Variants in SNTG1 observed in about 807,000 individuals in gnomAD.
SNTG1 encodes the protein syntrophin gamma 1.
A neutral mutation model predicts 74.7 loss-of-function variants in SNTG1; 39 were observed. That is an observed-to-expected ratio of 0.52 (90% CI 0.40 to 0.68). SNTG1 has a LOEUF of 0.68. SNTG1 is among the 30% of genes least tolerant of loss of function. The probability of loss-of-function intolerance (pLI) is 0.00; values close to 1 mark genes in which losing one functional copy is unlikely to be tolerated. For missense variants in SNTG1, 685 were observed against 609.5 expected (o/e 1.12, Z -1.30); for synonymous variants, 254 against 217.1 (o/e 1.17, Z -1.49).
intron 1 of SNTG1, among the ~76,000 whole-genome samples, chr8:49,917,236 G>T (rs2450287): frequency 0.83 from 125,498 of 152,042 alleles, 53,989 homozygotes; most frequent in Non-Finnish European, 0.94. Context: ...TAACTGCTCA[G>T]CTATATCCTT....
At chr8:50,360,150 C>A (rs1264032051) in intron 2 of SNTG1, among the ~76,000 whole-genome samples, 3 of 151,962 alleles carry the variant, frequency 2.0e-5, no homozygotes, top group Non-Finnish European at 4.4e-5. Context: ...ATCATCACTA[C>A]AAATCATTGT....
At chr8:50,265,733 A>C (rs1317035366) in intron 2 of SNTG1, among the ~76,000 whole-genome samples, 1 of 152,090 alleles carries the variant, frequency 6.6e-6, no homozygotes, top group African/African-American at 2.4e-5. Context: ...AGGATCTACA[A>C]AAATTTAGAG....
At chr8:50,596,793 CATA>C (rs766193159) in intron 13 of SNTG1, among the ~76,000 whole-genome samples, 5 of 152,084 alleles carry the variant, frequency 3.3e-5, no homozygotes, top group East Asian at 1.9e-4. Flanking sequence ...ATAATTGAAA[CATA>C]ATAATTGTAC....
At chr8:50,565,188 G>T (rs1286276650) in intron 12 of SNTG1, among the ~76,000 whole-genome samples, 1 of 151,762 alleles carries the variant, frequency 6.6e-6, no homozygotes, top group Non-Finnish European at 1.5e-5. Context: ...CAAAAATAAG[G>T]AAAAATTAAA....
intron 1 of SNTG1, among the ~76,000 whole-genome samples, chr8:49,985,885 C>T (rs1305574517): frequency 6.6e-6 from 1 of 151,970 alleles, no homozygotes; most frequent in Non-Finnish European, 1.5e-5. Context: ...TCTGATATGA[C>T]CTTTATATTT....
At chr8:50,456,463 G>C (rs1228283547) in intron 8 of SNTG1, among the ~76,000 whole-genome samples, 2 of 151,968 alleles carry the variant, frequency 1.3e-5, no homozygotes, top group Admixed American at 6.6e-5. Context: ...GTGCACTGAG[G>C]GCTGCTCTCT....
chr8:50,090,504 A>G (rs1399295376), intron 1 of SNTG1, among the ~76,000 whole-genome samples: 1 of 152,170 alleles, frequency 6.6e-6, no homozygotes, highest in Non-Finnish European at 1.5e-5. Context: ...TCATCTGCAG[A>G]AGGTTCTCTA....
intron 2 of SNTG1, among the ~76,000 whole-genome samples, chr8:50,353,200 A>G (rs964350958): frequency 6.9e-6 from 1 of 145,792 alleles, no homozygotes; most frequent in African/African-American, 2.5e-5. Flanking sequence ...GTGGGAATTG[A>G]TCAATGAGAA....
At chr8:50,006,701 G>T (rs1815273811) in intron 1 of SNTG1, among the ~76,000 whole-genome samples, 1 of 152,110 alleles carries the variant, frequency 6.6e-6, no homozygotes, top group Non-Finnish European at 1.5e-5. Flanking sequence ...GGCTTCCTCT[G>T]GTCCCTACTG....
At chr8:50,105,663 T>A (rs1235972293) in intron 1 of SNTG1, among the ~76,000 whole-genome samples, 1 of 152,134 alleles carries the variant, frequency 6.6e-6, no homozygotes, top group African/African-American at 2.4e-5. Flanking sequence ...TTCCTATTCA[T>A]GAGCATGGGA....
At chr8:50,146,341 A>T (rs1308206736) in intron 1 of SNTG1, among the ~76,000 whole-genome samples, 1 of 152,052 alleles carries the variant, frequency 6.6e-6, no homozygotes, top group Non-Finnish European at 1.5e-5. Context: ...AACATGGTGA[A>T]ACCCCGTCTG....
chr8:50,393,653 A>G (rs1265706433), intron 2 of SNTG1, among the ~76,000 whole-genome samples: 1 of 152,182 alleles, frequency 6.6e-6, no homozygotes, highest in East Asian at 1.9e-4. Context: ...TATTTTAGAT[A>G]TTTTATACAT....
At chr8:50,764,502 C>G (rs1298586129) in intron 18 of SNTG1, among the ~76,000 whole-genome samples, 1 of 151,880 alleles carries the variant, frequency 6.6e-6, no homozygotes, top group Non-Finnish European at 1.5e-5. Context: ...TAATGGCCAA[C>G]ATTTATGTAC....
intron 1 of SNTG1, among the ~76,000 whole-genome samples, chr8:50,098,421 C>A (rs1179930438): frequency 6.6e-6 from 1 of 152,108 alleles, no homozygotes; most frequent in Non-Finnish European, 1.5e-5. Flanking sequence ...TGTCATTATT[C>A]CCTAAATAAT....
intron 2 of SNTG1, among the ~76,000 whole-genome samples, chr8:50,336,101 A>T (rs574567863): frequency 6.6e-6 from 1 of 152,164 alleles, no homozygotes; most frequent in Non-Finnish European, 1.5e-5. Context: ...TAGAATTGGG[A>T]ATATGAATTT....
intron 1 of SNTG1, among the ~76,000 whole-genome samples, chr8:49,956,990 G>C (rs1324738243): frequency 6.6e-6 from 1 of 152,196 alleles, no homozygotes; most frequent in African/African-American, 2.4e-5. Context: ...TGTTTTGCCA[G>C]GGGATAGGAG....
intron 1 of SNTG1, among the ~76,000 whole-genome samples, chr8:49,944,584 G>C (rs1249594001): frequency 5.1e-5 from 5 of 97,168 alleles, no homozygotes; most frequent in Admixed American, 1.3e-4. Context: ...GTTGTGGGGT[G>C]GGGGGAGGGG....
intron 8 of SNTG1, among the ~76,000 whole-genome samples, chr8:50,480,981 A>T (rs2093735041): frequency 6.6e-6 from 1 of 152,226 alleles, no homozygotes; most frequent in Non-Finnish European, 1.5e-5. Context: ...ATCCTCTTGT[A>T]TATAAAAAGT....
intron 17 of SNTG1, among the ~76,000 whole-genome samples, chr8:50,730,518 A>G (rs2095510430): frequency 6.6e-6 from 1 of 152,178 alleles, no homozygotes; most frequent in Non-Finnish European, 1.5e-5. Flanking sequence ...AGATGAACAA[A>G]AAGATTATAG....
Sources: gnomAD v4.1 joint callset for allele counts (sites outside exome capture counted in the v4.1 genomes callset) on GRCh38, gnomAD v4.1.1 for gene constraint, MANE v1.5 for transcripts, NCBI Gene and HGNC (gene_info 2026-07-23, HGNC 2026-07-21) for gene names.